Variants in CAMK1 observed in about 807,000 individuals in gnomAD.
The protein encoded by CAMK1 is calcium/calmodulin-dependent protein kinase type 1.
In CAMK1, 39 loss-of-function variants were observed where a neutral mutation model predicts 49.1. The observed-to-expected ratio is 0.79, with a 90% CI of 0.62 to 1.04. The LOEUF (loss-of-function observed/expected upper bound fraction) is 1.04, where lower values mean the gene tolerates loss of function less well. Among genes scored for constraint, CAMK1 ranks in the 50% least tolerant of loss-of-function variants. The probability of loss-of-function intolerance (pLI) is 0.00; values close to 1 mark genes in which losing one functional copy is unlikely to be tolerated. For missense variants in CAMK1, 457 were observed against 472.2 expected (o/e 0.97, Z 0.30); for synonymous variants, 192 against 185.2 (o/e 1.04, Z -0.30).
chr3:9,761,627 GCACC>G lies in CAMK1; in HGVS notation c.556_556+3del. On this transcript the variant is annotated splice_donor_variant and splice_donor_region_variant and coding_sequence_variant and intron_variant, in exon 6 of 12. Coordinates refer to ENST00000256460, the MANE Select transcript of CAMK1 (RefSeq NM_003656.5). LOFTEE classifies it high-confidence loss of function. Reference sequence around the variant, plus strand: ...TCACAGCCCCAGCCCAGGGCCCTCCGCACCCACGTATCCCGGAGTTCCACAGGCG... The same window carrying G: ...TCACAGCCCCAGCCCAGGGCCCTCCGCACGTATCCCGGAGTTCCACAGGCG... 6.2e-7 allele frequency: 1 copy of G among 1,614,042 alleles called. No individual in the cohort carries two copies. Among genetic ancestry groups the G allele is most frequent in the Non-Finnish European group, 8.5e-7 (1 of 1,179,968 alleles).
intron 7 of CAMK1, chr3:9,761,172 GATTT>G: frequency 2.6e-6 from 1 of 382,422 alleles, no homozygotes; most frequent in Non-Finnish European, 4.8e-6. Context: ...TCAGTTTGTA[GATTT>G]ATTTACTTGT....
Position 9,757,770 on chromosome 3 carries a change from T to C in CAMK1, c.989A>G (p.Gln330Arg). 1 of 1,614,108 alleles carries C rather than the reference T, an allele frequency of 6.2e-7. No individual in the cohort carries two copies. Among genetic ancestry groups the C allele is most frequent in the Non-Finnish European group, 8.5e-7 (1 of 1,179,980 alleles). Residue 330 changes from glutamine to arginine, a missense_variant, in exon 11 of 12, where the codon CAG (glutamine) becomes CGG (arginine). Coordinates refer to ENST00000256460, the MANE Select transcript of CAMK1 (RefSeq NM_003656.5). The surrounding 1 kb of genome is among the most constrained non-coding windows in gnomAD (Gnocchi z 4.5). ...QLGTSQEGQG[Q>R]TASHGELLTP... is the part of the protein sequence containing the mutation. ...CAGCAGCTCCCCATGGCTCGCCGTCTGCCCCTGCCCCTCCTGGCTGGTGCC... is the reference window on the plus strand; with the variant it reads ...CAGCAGCTCCCCATGGCTCGCCGTCCGCCCCTGCCCCTCCTGGCTGGTGCC...
rs148790679 is a variant in CAMK1, at chr3:9,759,676, G to A, written c.820C>T (p.Pro274Ser). 1.2e-6 allele frequency: 2 copies of A among 1,614,084 alleles called. No homozygotes were observed. Among genetic ancestry groups the A allele is most frequent in the African/African-American group, 2.7e-5 (2 of 74,920 alleles). Residue 274 changes from proline to serine, a missense_variant, in exon 9 of 12, where the codon CCA becomes TCA. Physicochemically the swap from Pro to Ser is moderately conservative, Grantham distance 74. Coordinates refer to ENST00000256460, the MANE Select transcript of CAMK1 (RefSeq NM_003656.5). Reference protein sequence around the residue: ...RFTCEQALQHPWIAGDTALDK... With the variant: ...RFTCEQALQHSWIAGDTALDK... ...ACAGGTTGTGTGAATTCTCACCATG[G>A]GTGCTGCAAGGCCTGCTCACAGGTG... is the stretch of plus-strand genomic sequence containing the variant.
Position 9,760,650 on chromosome 3 carries a change from A to G in CAMK1, c.745+6T>C. 1 of 1,613,872 alleles carries G rather than the reference A, an allele frequency of 6.2e-7. No individual in the cohort carries two copies. Among genetic ancestry groups the G allele is most frequent in the East Asian group, 2.2e-5 (1 of 44,840 alleles). On this transcript the variant is annotated splice_donor_region_variant and intron_variant, in intron 8 of 11. Coordinates refer to ENST00000256460, the MANE Select transcript of CAMK1 (RefSeq NM_003656.5). ...GCCCAGGGGAAAAAAGCAAAGCCCC[A>G]AATACCAGAGTCAGAGATGTCGTCC...
chr3:9,761,165 G>C (rs1021354810), intron 7 of CAMK1: 31 of 371,640 alleles, frequency 8.3e-5, no homozygotes, highest in African/African-American at 6.0e-4. Flanking sequence ...CCTGACGTCA[G>C]TTTGTAGATT....
At chr3:9,760,364 A>T (rs2077795866) in intron 8 of CAMK1, 1 of 310,616 alleles carries the variant, frequency 3.2e-6, no homozygotes. Context: ...GGAGGATGAA[A>T]ATGTTTATGG....
At chr3:9,765,429 A>G (rs2078109074) in intron 3 of CAMK1, among the ~76,000 whole-genome samples, 1 of 151,976 alleles carries the variant, frequency 6.6e-6, no homozygotes, top group Non-Finnish European at 1.5e-5. Flanking sequence ...ATGTGAGGGG[A>G]ACTTGAGGTA....
chr3:9,757,671 C>G lies in CAMK1; in HGVS notation c.1031-50G>C. On this transcript the variant is annotated intron_variant, in intron 11 of 11. Transcript: ENST00000256460. The surrounding 1 kb of genome is among the most constrained non-coding windows in gnomAD (Gnocchi z 4.5). ...TGGCCGCAGGGGCAGGCCCTCCACT[C>G]CAGCCCGGGTGCACCTTTGTGGACC... 1 of 1,614,088 alleles carries G rather than the reference C, an allele frequency of 6.2e-7. No individual in the cohort carries two copies. Among genetic ancestry groups the G allele is most frequent in the Non-Finnish European group, 8.5e-7 (1 of 1,180,004 alleles).
chr3:9,766,248 A>C (rs2078147638), intron 2 of CAMK1: 3 of 711,772 alleles, frequency 4.2e-6, no homozygotes, highest in Non-Finnish European at 5.1e-6. Flanking sequence ...AAGGAAGTCC[A>C]ACCTGAGAAA....
At chr3:9,761,583 C>T (rs1285552578) in intron 6 of CAMK1, 47 bp from the exon 7 acceptor site, 2 of 1,613,396 alleles carry the variant, frequency 1.2e-6, no homozygotes, top group Non-Finnish European at 1.7e-6. Context: ...TGCCCTTCAA[C>T]TCCTGGTTCC....
rs780833552 is a variant in CAMK1 at position 9,762,937 on chromosome 3, C to T, written c.406G>A (p.Gly136Ser). 8.1e-6 allele frequency: 13 copies of T among 1,613,982 alleles called. No individual in the cohort carries two copies. The Admixed American group carries it at 1.0e-4, about 12-fold the overall frequency. Residue 136 changes from glycine to serine, a missense_variant, in exon 5 of 12, where the codon GGC becomes AGC. Coordinates refer to ENST00000256460, the MANE Select transcript of CAMK1 (RefSeq NM_003656.5). ...LDAVKYLHDL[G>S]IVHRDLKPEN... is the part of the protein sequence containing the mutation. ...ACCTTGAGATCCCGGTGTACAATGC[C>T]CAGGTCATGCAGGTATTTCACAGCA... is the stretch of plus-strand genomic sequence containing the variant.
At chr3:9,760,518 G>A (rs2077805082) in intron 8 of CAMK1, 138 bp downstream of exon 8, 3 of 772,982 alleles carry the variant, frequency 3.9e-6, no homozygotes, top group Non-Finnish European at 4.4e-6. Context: ...AAGGGGTAGG[G>A]TGTCTGGTCT....
Position 9,757,478 on chromosome 3 carries a change from A to AGG in CAMK1, c.*59_*60dup, listed in dbSNP as rs1456249927. Reference sequence around the variant, plus strand: ...GAGAAACTCCCGGTTCAGGGAGGGAAGGGGAGCAGGCTGCCCCCAAGCCCT... The same window carrying AGG: ...GAGAAACTCCCGGTTCAGGGAGGGAAGGGGGGAGCAGGCTGCCCCCAAGCCCT... On this transcript the variant is annotated 3_prime_UTR_variant, in exon 12 of 12. Coordinates refer to ENST00000256460, the MANE Select transcript of CAMK1 (RefSeq NM_003656.5). The surrounding 1 kb of genome is among the most constrained non-coding windows in gnomAD (Gnocchi z 4.5). 2 of 1,603,088 alleles carry AGG rather than the reference A, an allele frequency of 1.2e-6. No individual in the cohort carries two copies. The highest frequency in any genetic ancestry group is 1.3e-5 in the African/African-American group (1 of 74,762).
At chr3:9,769,768 G>A in intron 1 of CAMK1, 64 bp downstream of exon 1, 1 of 152,288 alleles carries the variant, frequency 6.6e-6, no homozygotes, top group Non-Finnish European at 1.5e-5. Context: ...ATACCCAGAG[G>A]CTAGGGGCTC....
chr3:9,767,448 G>A (rs2078184943), intron 2 of CAMK1, among the ~76,000 whole-genome samples: 1 of 152,260 alleles, frequency 6.6e-6, no homozygotes, highest in South Asian at 2.1e-4. Flanking sequence ...TCATTCTCTC[G>A]ACTTCTTTCT....
intron 10 of CAMK1, chr3:9,758,104 T>C (rs1445025656): frequency 2.3e-6 from 1 of 431,958 alleles, no homozygotes; most frequent in Non-Finnish European, 4.1e-6. Context: ...TAATATGTAA[T>C]AGCAAACACT....
chr3:9,760,655 C>G lies in CAMK1; in HGVS notation c.745+1G>C. ...GGGGAAAAAAGCAAAGCCCCAAATA[C>G]CAGAGTCAGAGATGTCGTCCCAGTA... On this transcript the variant is annotated splice_donor_variant, in intron 8 of 11. Coordinates refer to ENST00000256460, the MANE Select transcript of CAMK1 (RefSeq NM_003656.5). LOFTEE classifies it high-confidence loss of function. The G allele has an allele frequency of 6.2e-7, 1 of 1,613,866 alleles. No homozygotes were observed. The highest frequency in any genetic ancestry group is 8.5e-7 in the Non-Finnish European group (1 of 1,179,854).
At chr3:9,767,611 C>T in intron 2 of CAMK1, 56 bp downstream of exon 2, 1 of 1,607,822 alleles carries the variant, frequency 6.2e-7, no homozygotes. Context: ...GAGGAAGCCC[C>T]ACCCTGGACT....
At chr3:9,767,900 C>A in intron 1 of CAMK1, 119 bp from the exon 2 acceptor site, 1 of 1,324,796 alleles carries the variant, frequency 7.5e-7, no homozygotes, top group Non-Finnish European at 9.9e-7. Flanking sequence ...ATCCATTTGA[C>A]AAAATCATTC....
Sources: gnomAD v4.1 joint callset for allele counts (sites outside exome capture counted in the v4.1 genomes callset) on GRCh38, gnomAD v4.1.1 for gene constraint, Gnocchi (gnomAD v3.1) non-coding constraint, MANE v1.5 for transcripts, NCBI Gene and HGNC (gene_info 2026-07-23, HGNC 2026-07-21) for gene names.